KLHL1: variants seen among roughly 807,000 people sequenced by gnomAD.
The protein encoded by KLHL1 is kelch like family member 1.
In KLHL1, 47 loss-of-function variants were observed where a neutral mutation model predicts 77.7. That is an observed-to-expected ratio of 0.60 (90% CI 0.48 to 0.77). The LOEUF (loss-of-function observed/expected upper bound fraction) is 0.77. Ranked by LOEUF, KLHL1 falls within the 30% of genes least tolerant of loss-of-function variation. The pLI, the probability that KLHL1 is intolerant of heterozygous loss-of-function variation, is 0.00. For synonymous variants in KLHL1, 360 were observed against 325.2 expected (o/e 1.11, Z -1.15); for missense variants, 925 against 910.8 (o/e 1.02, Z -0.20).
intron 6 of KLHL1, among the ~76,000 whole-genome samples, chr13:69,813,826 AG>A (rs1361896973): frequency 6.6e-6 from 1 of 152,208 alleles, no homozygotes; most frequent in Non-Finnish European, 1.5e-5. Flanking sequence ...TACTGCTCAA[AG>A]CAATCTACAG....
chr13:70,087,667 T>A (rs942949467), intron 1 of KLHL1, among the ~76,000 whole-genome samples: 2 of 152,086 alleles, frequency 1.3e-5, no homozygotes, highest in Non-Finnish European at 2.9e-5. Flanking sequence ...TCCTTTGAGC[T>A]GGGGCTGCTG....
Position 69,939,284 on chromosome 13 carries a change from T to C in KLHL1, c.1014+756A>G, listed in dbSNP as rs184588276. ...TTTAAACTGTACAATTGAAATGGCT[T>C]TTAGATTCTCTACAAAGCTGTTAAA... On this transcript the variant is annotated intron_variant, in intron 4 of 10. Transcript: ENST00000377844. Among the ~76,000 whole-genome samples, 19 of 144,848 alleles carry C rather than the reference T, an allele frequency of 1.3e-4. No homozygotes were observed. In the East Asian group the frequency reaches 3.8e-3, roughly 29 times the overall value.
At position 69,985,437 on chromosome 13, in the gene KLHL1, A is replaced by C. The variant is rs558664028; in HGVS notation, c.498-9635T>G. Among the ~76,000 whole-genome samples the C allele has an allele frequency of 2.0e-5, 3 of 152,136 alleles. No individual in the cohort carries two copies. In the East Asian group the frequency reaches 5.8e-4, roughly 29 times the overall value. Reference sequence around the variant, plus strand: ...GATAAATGCAAATCAAAATCACAATAAAATATCACCTTATAACTGTTAGAA... The same window carrying C: ...GATAAATGCAAATCAAAATCACAATCAAATATCACCTTATAACTGTTAGAA... On this transcript the variant is annotated intron_variant, in intron 1 of 10. Transcript: ENST00000377844.
chr13:69,900,102 A>G (rs1447808737), intron 4 of KLHL1, among the ~76,000 whole-genome samples: 3 of 152,148 alleles, frequency 2.0e-5, no homozygotes, highest in Non-Finnish European at 4.4e-5. Flanking sequence ...AGCGGGGCAG[A>G]CATTTATATT....
At chr13:69,988,093 G>T (rs781075287) in intron 1 of KLHL1, among the ~76,000 whole-genome samples, 1 of 150,862 alleles carries the variant, frequency 6.6e-6, no homozygotes, top group African/African-American at 2.4e-5. Flanking sequence ...TTTTTTTGGC[G>T]GGGGGAACCT....
chr13:69,707,871 C>A, intron 9 of KLHL1, 75 bp from the exon 10 acceptor site: 1 of 1,251,276 alleles, frequency 8.0e-7, no homozygotes. Context: ...TTACTTTTTA[C>A]AAAGCCTGTC....
At chr13:69,804,141 T>C (rs1334646093) in intron 6 of KLHL1, among the ~76,000 whole-genome samples, 1 of 152,192 alleles carries the variant, frequency 6.6e-6, no homozygotes, top group Admixed American at 6.5e-5. Flanking sequence ...AACCAGAAGA[T>C]ATTATATATA....
chr13:69,792,353 A>T (rs1876909316), intron 7 of KLHL1, among the ~76,000 whole-genome samples: 1 of 152,236 alleles, frequency 6.6e-6, no homozygotes, highest in African/African-American at 2.4e-5. Flanking sequence ...TTATAAACCC[A>T]CAATGAGATA....
intron 1 of KLHL1, among the ~76,000 whole-genome samples, chr13:70,092,673 C>A (rs1191758938): frequency 2.6e-5 from 4 of 152,004 alleles, no homozygotes; most frequent in Non-Finnish European, 2.9e-5. Context: ...GTTTTATGAG[C>A]TAAGTTATTA....
chr13:69,757,790 TAC>T (rs1491420496), intron 7 of KLHL1, among the ~76,000 whole-genome samples: 34,048 of 151,490 alleles, frequency 0.22, 3,937 homozygotes, highest in South Asian at 0.31. Context: ...ATCTCGTCCC[TAC>T]TAAAAATGCA....
At chr13:69,804,255 T>C (rs983749402) in intron 6 of KLHL1, among the ~76,000 whole-genome samples, 11 of 152,134 alleles carry the variant, frequency 7.2e-5, no homozygotes, top group African/African-American at 2.4e-4. Context: ...CAAAGTGCAG[T>C]TCTAGGTCTC....
intron 1 of KLHL1, among the ~76,000 whole-genome samples, chr13:70,051,931 G>A (rs1452477404): frequency 7.1e-6 from 1 of 140,592 alleles, no homozygotes; most frequent in Non-Finnish European, 1.5e-5. Flanking sequence ...CCTATCTTTG[G>A]TTTTATAGAA....
chr13:69,986,124 A>G (rs1593651969), intron 1 of KLHL1, among the ~76,000 whole-genome samples: 1 of 151,820 alleles, frequency 6.6e-6, no homozygotes, highest in East Asian at 1.9e-4. Flanking sequence ...TAGAATCTAA[A>G]GAAGTTGGTG....
At chr13:70,084,186 C>A (rs1202316232) in intron 1 of KLHL1, among the ~76,000 whole-genome samples, 1 of 152,064 alleles carries the variant, frequency 6.6e-6, no homozygotes, top group African/African-American at 2.4e-5. Flanking sequence ...AAATTATACA[C>A]ACACATGTAC....
chr13:70,064,651 A>G (rs1886966031), intron 1 of KLHL1, among the ~76,000 whole-genome samples: 1 of 152,204 alleles, frequency 6.6e-6, no homozygotes, highest in Non-Finnish European at 1.5e-5. Flanking sequence ...TTGTAGTTGT[A>G]GTGCCTAACA....
At chr13:69,782,704 T>C (rs1876292306) in intron 7 of KLHL1, among the ~76,000 whole-genome samples, 1 of 152,216 alleles carries the variant, frequency 6.6e-6, no homozygotes, top group Non-Finnish European at 1.5e-5. Flanking sequence ...CAAGGAGGCC[T>C]GCCTGCCTCT....
intron 6 of KLHL1, among the ~76,000 whole-genome samples, chr13:69,823,681 A>G (rs978859851): frequency 3.9e-5 from 6 of 152,070 alleles, no homozygotes; most frequent in Admixed American, 1.3e-4. Flanking sequence ...AAAATAAGTA[A>G]TTAACTGTAG....
intron 1 of KLHL1, among the ~76,000 whole-genome samples, chr13:69,985,523 A>C (rs1422683369): frequency 6.6e-6 from 1 of 151,666 alleles, no homozygotes; most frequent in African/African-American, 2.4e-5. Flanking sequence ...GGAGAAAGGG[A>C]AACTCATATT....
At chr13:69,842,124 G>A (rs1386220458) in intron 5 of KLHL1, among the ~76,000 whole-genome samples, 1 of 151,664 alleles carries the variant, frequency 6.6e-6, no homozygotes, top group Non-Finnish European at 1.5e-5. Flanking sequence ...TTCTCATAAA[G>A]AGTGGTCTAA....
Sources: gnomAD v4.1 joint callset for allele counts (sites outside exome capture counted in the v4.1 genomes callset) on GRCh38, gnomAD v4.1.1 for gene constraint, MANE v1.5 for transcripts, NCBI Gene and HGNC (gene_info 2026-07-23, HGNC 2026-07-21) for gene names.